The following NUMA1 variants were observed in gnomAD, a reference collection of about 807,000 sequenced individuals.
NUMA1 encodes SP-H antigen.
Under a neutral mutation model 237.1 loss-of-function variants are expected in NUMA1, and 62 were observed. The ratio of observed to expected loss-of-function variants is 0.26; its 90% CI spans 0.21 to 0.32. NUMA1 has a LOEUF of 0.32. NUMA1 is among the 10% of genes least tolerant of loss of function. The probability of loss-of-function intolerance (pLI) is 1.00; values close to 1 mark genes in which losing one functional copy is unlikely to be tolerated. For missense variants in NUMA1, 2,533 were observed against 2,666.5 expected, an observed-to-expected ratio of 0.95 and a Z score of 1.10; for synonymous variants, 1,028 against 1,066.1, an observed-to-expected ratio of 0.96 and a Z score of 0.70.
chr11:72,032,690 A>G (rs1940492226), intron 3 of NUMA1, among the ~76,000 whole-genome samples: 1 of 152,248 alleles, frequency 6.6e-6, no homozygotes, highest in Non-Finnish European at 1.5e-5. Context: ...AGGGCATAAA[A>G]CATGAGAGTG....
intron 21 of NUMA1, among the ~76,000 whole-genome samples, chr11:72,006,528 T>C (rs1427114905): frequency 2.6e-5 from 4 of 152,202 alleles, no homozygotes; most frequent in Admixed American, 2.6e-4. Flanking sequence ...GCAGAGTGTT[T>C]ATCGGCCCAT....
chr11:72,004,149 C>G (rs1333654116), intron 25 of NUMA1, 50 bp from the exon 26 acceptor site: 3 of 1,608,616 alleles, frequency 1.9e-6, no homozygotes, highest in Non-Finnish European at 2.5e-6. Context: ...CCTTCCCAGG[C>G]CAGCGTGCTG....
chr11:72,079,537 C>G (rs1035011864), intron 1 of NUMA1, among the ~76,000 whole-genome samples: 2 of 148,738 alleles, frequency 1.3e-5, no homozygotes, highest in African/African-American at 4.9e-5. Flanking sequence ...GAGACTCCGT[C>G]TCAAAAAAAA....
rs1590931387 is a variant in NUMA1, at chr11:72,019,486, G to C, written c.584+8C>G. On this transcript the variant is annotated splice_region_variant and intron_variant, in intron 9 of 26. Transcript: ENST00000393695. ...GCCCTATCCCAGGAGGAGAGGCCCA[G>C]AACATACTTGTTCCCACTGGAAGAG... 4 of 1,612,418 alleles carry C rather than the reference G, an allele frequency of 2.5e-6. 1 individual carries two copies. In the Admixed American group the frequency reaches 5.0e-5, roughly 20 times the overall value.
chr11:72,034,987 G>A (rs1940829948), intron 3 of NUMA1, among the ~76,000 whole-genome samples: 2 of 152,152 alleles, frequency 1.3e-5, no homozygotes, highest in African/African-American at 2.4e-5. Context: ...CTGCCAAGTA[G>A]GTGAGACTAC....
chr11:72,018,679 C>G (rs533818315), intron 10 of NUMA1, 144 bp downstream of exon 10: 1 of 1,137,658 alleles, frequency 8.8e-7, no homozygotes, highest in Non-Finnish European at 1.3e-6. Flanking sequence ...AAAGACAGAA[C>G]CTAGCTTCCA....
At chr11:72,072,967 A>C (rs1943524830) in intron 1 of NUMA1, among the ~76,000 whole-genome samples, 1 of 139,048 alleles carries the variant, frequency 7.2e-6, no homozygotes, top group Non-Finnish European at 1.5e-5. Context: ...GAATGGCGTG[A>C]ACCTGGGAGG....
intron 17 of NUMA1, 23 bp from the exon 18 acceptor site, chr11:72,009,410 A>T (rs1346585792): frequency 1.3e-6 from 2 of 1,586,554 alleles, no homozygotes; most frequent in Non-Finnish European, 1.7e-6. Flanking sequence ...GCCACTCAGG[A>T]AAGCTGGTCT....
At position 72,003,793 on chromosome 11, in the gene NUMA1, C is replaced by T. The variant is rs1014021516; in HGVS notation, c.6336+94G>A. Reference sequence around the variant, plus strand: ...TACCCCACACCCTCCAGCAGCCTGGCGTGGCCCCATCTTGGATGCTACTTG... The same window carrying T: ...TACCCCACACCCTCCAGCAGCCTGGTGTGGCCCCATCTTGGATGCTACTTG... On this transcript the variant is annotated intron_variant, in intron 26 of 26. Transcript: ENST00000393695. 20 of 1,318,086 alleles carry T rather than the reference C, an allele frequency of 1.5e-5. 1 individual carries two copies. The highest frequency in any genetic ancestry group is 5.9e-5 in the African/African-American group (4 of 68,106). 81.6% of individuals were successfully genotyped at this position (1,318,086 alleles called of 1,614,324 possible). A position where few individuals can be genotyped will look rare whatever the true frequency, so the allele number is the denominator to read the frequency against.
intron 2 of NUMA1, among the ~76,000 whole-genome samples, chr11:72,037,383 G>A (rs1306414622): frequency 1.3e-5 from 2 of 152,310 alleles, no homozygotes; most frequent in East Asian, 1.9e-4. Context: ...GCGGGCGCCT[G>A]TAGTCCCAGC....
intron 3 of NUMA1, among the ~76,000 whole-genome samples, chr11:72,034,022 G>A (rs1212071147): frequency 3.3e-5 from 5 of 152,166 alleles, no homozygotes; most frequent in African/African-American, 1.2e-4. Context: ...GGCTGAGGTA[G>A]AAGGATGGCT....
Position 72,006,182 on chromosome 11 carries a change from G to A in NUMA1, c.5545C>T (p.Arg1849Ter). 1.2e-6 allele frequency: 2 copies of A among 1,614,122 alleles called. No individual in the cohort carries two copies. Among genetic ancestry groups the A allele is most frequent in the Non-Finnish European group, 1.7e-6 (2 of 1,180,018 alleles). ...RSAPASQASL[R>*]ATSSTQSLAR... ...AGAGACTGAGTAGAGGAGGTGGCTC[G>A]CAGGCTAGCCTGGGAAGCAGGAGCA... is the stretch of plus-strand genomic sequence containing the variant. The change falls in exon 22 of 27, where the codon CGA becomes TGA. Residue 1849 changes from arginine (R) to a stop codon, truncating the protein, a stop_gained. Transcript: ENST00000393695. LOFTEE classifies it high-confidence loss of function.
intron 3 of NUMA1, among the ~76,000 whole-genome samples, chr11:72,033,891 C>A (rs1940667031): frequency 6.6e-6 from 1 of 151,840 alleles, no homozygotes. Context: ...TTTTTGAGGT[C>A]ACATTAAAAT....
Position 72,006,270 on chromosome 11 carries a change from GAC to G in NUMA1, c.5464-9_5464-8del, listed in dbSNP as rs767124154. 3 of 1,613,116 alleles carry G rather than the reference GAC, an allele frequency of 1.9e-6. No homozygotes were observed. The highest frequency in any genetic ancestry group is 2.2e-5 in the South Asian group (2 of 91,032). ...GCTCTTCCACATCTAGCTTCTGGAA[GAC>G]AGAGTGAATCTGTTGCAGTGTACAG... On this transcript the variant is annotated splice_polypyrimidine_tract_variant and splice_region_variant and intron_variant, in intron 21 of 26. Coordinates refer to ENST00000393695, the MANE Select transcript of NUMA1 (RefSeq NM_006185.4).
At chr11:72,033,706 T>C (rs1275148243) in intron 3 of NUMA1, among the ~76,000 whole-genome samples, 3 of 152,074 alleles carry the variant, frequency 2.0e-5, no homozygotes, top group African/African-American at 7.2e-5. Context: ...CAGAAAAGGA[T>C]GTAAGTAGCT....
Position 72,014,955 on chromosome 11 carries a change from G to T in NUMA1, c.2548C>A (p.Gln850Lys), listed in dbSNP as rs757496362. 6.2e-7 allele frequency: 1 copy of T among 1,614,106 alleles called. No individual in the cohort carries two copies. Among genetic ancestry groups the T allele is most frequent in the Non-Finnish European group, 8.5e-7 (1 of 1,180,050 alleles). The change falls in exon 15 of 27, where the codon CAG becomes AAG. Residue 850 changes from glutamine to lysine, a missense_variant. By Grantham distance (53) the Gln-to-Lys change is moderately conservative (BLOSUM62 1). Around this residue, in one of 3 missense-constraint regions of NUMA1, gnomAD observed 1,414 missense variants for 1,508.1 expected, o/e 0.94. Coordinates refer to ENST00000393695, the MANE Select transcript of NUMA1 (RefSeq NM_006185.4). The surrounding 1 kb of genome is among the most constrained non-coding windows in gnomAD (Gnocchi z 4.6). ...EECEKARQEL[Q>K]EAKEKVAGIE... The stretch of plus-strand genomic sequence containing the variant: ...CCTGCCACCTTCTCCTTTGCCTCCT[G>T]CAGCTCCTGGCGGGCCTTCTCACAT...
chr11:72,019,375 T>C, intron 9 of NUMA1, 119 bp downstream of exon 9: 1 of 1,330,536 alleles, frequency 7.5e-7, no homozygotes, highest in Non-Finnish European at 1.0e-6. Flanking sequence ...AGATCCCAGA[T>C]CTACCGGATA....
chr11:72,038,383 C>G (rs1018926128), intron 2 of NUMA1, among the ~76,000 whole-genome samples: 4 of 152,138 alleles, frequency 2.6e-5, no homozygotes, highest in Non-Finnish European at 4.4e-5. Flanking sequence ...CACAGAAATA[C>G]GAGGAACCCA....
chr11:72,013,953 C>T lies in NUMA1; in HGVS notation c.3550G>A (p.Ala1184Thr). The change falls in exon 15 of 27, where the codon GCC becomes ACC. Residue 1184 changes from alanine to threonine, a missense_variant. This residue lies in a region of NUMA1 where 1,414 missense variants were observed against 1,508.1 expected (regional missense o/e 0.94). Transcript: ENST00000393695. The surrounding 1 kb of genome is among the most constrained non-coding windows in gnomAD (Gnocchi z 6.8). The part of the protein sequence containing the change: ...KAQELGHSQS[A>T]LASAQRELAA... ...AACTCCCGTTGGGCCGAGGCTAAGG[C>T]ACTCTGACTGTGCCCTAGCTCCTGG... The T allele has an allele frequency of 1.2e-6, 2 of 1,613,836 alleles. No individual in the cohort carries two copies. The highest frequency in any genetic ancestry group is 1.7e-6 in the Non-Finnish European group (2 of 1,180,024).
Sources: gnomAD v4.1 joint callset for allele counts (sites outside exome capture counted in the v4.1 genomes callset) on GRCh38, gnomAD v4.1.1 for gene constraint, gnomAD v4.1.1 regional missense constraint, Gnocchi (gnomAD v3.1) non-coding constraint, MANE v1.5 for transcripts, NCBI Gene and HGNC (gene_info 2026-07-23, HGNC 2026-07-21) for gene names.